KCTD7: variants seen among roughly 807,000 people sequenced by gnomAD.
The protein encoded by KCTD7 is potassium channel tetramerization domain containing 7.
In KCTD7, 15 loss-of-function variants were observed where a neutral mutation model predicts 27.0. The ratio of observed to expected loss-of-function variants is 0.56; its 90% CI spans 0.37 to 0.86. The LOEUF (loss-of-function observed/expected upper bound fraction) is 0.86, where lower values mean the gene tolerates loss of function less well. KCTD7 is among the 40% of genes least tolerant of loss of function. The probability of loss-of-function intolerance (pLI) is 0.00; values close to 1 mark genes in which losing one functional copy is unlikely to be tolerated. For missense variants in KCTD7, 299 were observed against 398.9 expected (o/e 0.75, Z 2.13); for synonymous variants, 159 against 162.7 (o/e 0.98, Z 0.17).
chr7:66,638,190 A>G (rs1318806552), intron 2 of KCTD7, 63 bp from the exon 3 acceptor site: 25 of 1,563,424 alleles, frequency 1.6e-5, no homozygotes, highest in South Asian at 3.3e-5. Context: ...TCCAATGCAC[A>G]CTGTGTGGCA....
Position 66,629,034 on chromosome 7 carries a change from G to A in KCTD7, c.-31G>A. ...CCGGGGCCGCCGCCTCCGCCCGCCC[G>A]AAGCCGCGCCCACTGCCCAGAGCCA... On this transcript the variant is annotated 5_prime_UTR_variant, in exon 1 of 4. Coordinates refer to ENST00000639828, the MANE Select transcript of KCTD7 (RefSeq NM_153033.5). 1.3e-6 allele frequency: 2 copies of A among 1,486,270 alleles called. No homozygotes were observed. The highest frequency in any genetic ancestry group is 3.0e-5 in the East Asian group (1 of 33,758). The allele number at this position is 1,486,270 out of a possible 1,614,324, so 92.1% of individuals were successfully genotyped here. A position where few individuals can be genotyped will look rare whatever the true frequency, so the allele number is the denominator to read the frequency against.
At chr7:66,631,132 G>A (rs1618893) in intron 1 of KCTD7, among the ~76,000 whole-genome samples, 15,663 of 152,122 alleles carry the variant, frequency 0.1, 982 homozygotes, top group South Asian at 0.2. Flanking sequence ...TCATTCATTC[G>A]GTGAATTTTG....
At chr7:66,629,403 A>G (rs765754234) in intron 1 of KCTD7, among the ~76,000 whole-genome samples, 195 bp downstream of exon 1, 2 of 128,166 alleles carry the variant, frequency 1.6e-5, no homozygotes, top group African/African-American at 5.4e-5. Context: ...ACCCCTGTCA[A>G]TTACACCCAC....
chr7:66,629,329 T>C (rs1296181343), intron 1 of KCTD7, 121 bp downstream of exon 1: 18 of 735,792 alleles, frequency 2.4e-5, no homozygotes, highest in Non-Finnish European at 3.0e-5. Context: ...CCCGCGGACT[T>C]GCGCCCCTCC....
intron 3 of KCTD7, 61 bp from the exon 4 acceptor site, chr7:66,638,795 A>T (rs1453388965): frequency 3.8e-6 from 6 of 1,598,938 alleles, no homozygotes; most frequent in Non-Finnish European, 5.1e-6. Context: ...TTCTCTGTGC[A>T]TCTCTGCTGC....
At chr7:66,638,574 C>A in intron 3 of KCTD7, 143 bp downstream of exon 3, 2 of 978,396 alleles carry the variant, frequency 2.0e-6, no homozygotes, top group South Asian at 1.6e-5. Flanking sequence ...CCTTCCCAGT[C>A]ACGCTGGGGA....
At chr7:66,632,257 G>A (rs1786465305) in intron 1 of KCTD7, among the ~76,000 whole-genome samples, 1 of 151,748 alleles carries the variant, frequency 6.6e-6, no homozygotes. Flanking sequence ...GGAGGCCAAG[G>A]CGGGCGGATC....
intron 1 of KCTD7, among the ~76,000 whole-genome samples, chr7:66,632,207 G>T (rs1786462955): frequency 6.7e-6 from 1 of 150,344 alleles, no homozygotes; most frequent in Non-Finnish European, 1.5e-5. Context: ...CACATAGCAG[G>T]CCGGGCGTGG....
At chr7:66,638,745 CTG>C (rs1352070828) in intron 3 of KCTD7, 109 bp from the exon 4 acceptor site, 5 of 1,355,824 alleles carry the variant, frequency 3.7e-6, no homozygotes, top group Non-Finnish European at 5.1e-6. Context: ...CCCGGGAAAT[CTG>C]TCTTTCCCCT....
At chr7:66,637,173 C>T (rs771737417) in intron 2 of KCTD7, among the ~76,000 whole-genome samples, 2 of 152,222 alleles carry the variant, frequency 1.3e-5, no homozygotes, top group Non-Finnish European at 2.9e-5. Context: ...GCAACCTCCA[C>T]TTCCCAGGTT....
chr7:66,643,198 G>T (rs993266456), downstream of KCTD7: 16 of 985,396 alleles, frequency 1.6e-5, no homozygotes, highest in Non-Finnish European at 1.9e-5. Flanking sequence ...GAGACCAGCA[G>T]CTGAATTTCT....
At chr7:66,643,147 G>C, downstream of KCTD7, 1 of 959,212 alleles carries the variant, frequency 1.0e-6, no homozygotes, top group Non-Finnish European at 1.2e-6. Context: ...AAAATGTGGT[G>C]TGTTTGGGGA....
chr7:66,642,583 T>A lies in KCTD7; in HGVS notation c.*3351T>A. 2 of 985,450 alleles carry A rather than the reference T, an allele frequency of 2.0e-6. No homozygotes were observed. Among genetic ancestry groups the A allele is most frequent in the Non-Finnish European group, 2.4e-6 (2 of 829,940 alleles). The allele number at this position is 985,450 out of a possible 1,614,324, so 61.0% of individuals were successfully genotyped here. ...TGAGCGTTTTGATCCTAGTAATATT[T>A]CAAATATTGTCCTTCTGCATATGTT... On this transcript the variant is annotated 3_prime_UTR_variant, in exon 4 of 4. Transcript: ENST00000639828.
chr7:66,630,641 A>T (rs941182977), intron 1 of KCTD7, among the ~76,000 whole-genome samples: 2 of 152,216 alleles, frequency 1.3e-5, no homozygotes, highest in Non-Finnish European at 2.9e-5. Flanking sequence ...CCCCATACAC[A>T]CAATGCCATG....
At chr7:66,631,517 C>T (rs889964928) in intron 1 of KCTD7, among the ~76,000 whole-genome samples, 8 of 149,878 alleles carry the variant, frequency 5.3e-5, no homozygotes, top group Middle Eastern at 3.2e-3. Context: ...TGCAGTGAAC[C>T]GAGATCGTGC....
chr7:66,638,811 C>G (rs756650414), intron 3 of KCTD7, 45 bp from the exon 4 acceptor site: 2 of 1,611,470 alleles, frequency 1.2e-6, no homozygotes, highest in African/African-American at 2.7e-5. Context: ...GCTGCCCTGT[C>G]CTGCCTCTTC....
rs1475380890 is a variant in KCTD7 at position 66,628,923 on chromosome 7, C to T, written c.-142C>T. The T allele has an allele frequency of 1.2e-6, 1 of 806,776 alleles. No homozygotes were observed. Among genetic ancestry groups the T allele is most frequent in the East Asian group, 3.6e-5 (1 of 27,402 alleles). The allele number at this position is 806,776 out of a possible 1,614,324, so 50.0% of individuals were successfully genotyped here. ...TCGGCGTTGAGGGAGCCACCGCCCTCCCGCCTGCGCACTGCCTCTCGCCCC... is the reference window on the plus strand; with the variant it reads ...TCGGCGTTGAGGGAGCCACCGCCCTTCCGCCTGCGCACTGCCTCTCGCCCC... On this transcript the variant is annotated 5_prime_UTR_variant, in exon 1 of 4. Coordinates refer to ENST00000639828, the MANE Select transcript of KCTD7 (RefSeq NM_153033.5).
intron 2 of KCTD7, among the ~76,000 whole-genome samples, chr7:66,637,892 A>G (rs552174725): frequency 2.0e-5 from 3 of 152,260 alleles, no homozygotes; most frequent in East Asian, 1.9e-4. Context: ...CTAAAACTAT[A>G]TATATATAAA....
At chr7:66,633,049 T>C (rs1786490208) in intron 1 of KCTD7, among the ~76,000 whole-genome samples, 1 of 150,578 alleles carries the variant, frequency 6.6e-6, no homozygotes, top group African/African-American at 2.4e-5. Context: ...TGAGTGAAAC[T>C]CCATCTCAAA....
Sources: gnomAD v4.1 joint callset for allele counts (sites outside exome capture counted in the v4.1 genomes callset) on GRCh38, gnomAD v4.1.1 for gene constraint, MANE v1.5 for transcripts, NCBI Gene and HGNC (gene_info 2026-07-23, HGNC 2026-07-21) for gene names.